The following HAAO variants were observed in gnomAD, a reference collection of about 807,000 sequenced individuals.
The protein encoded by HAAO is 3-hydroxyanthranilate oxygenase.
A neutral mutation model predicts 46.2 loss-of-function variants in HAAO; 49 were observed. The ratio of observed to expected loss-of-function variants is 1.06; its 90% CI spans 0.84 to 1.34. The LOEUF (loss-of-function observed/expected upper bound fraction) is 1.34, where lower values mean the gene tolerates loss of function less well. HAAO is among the 40% of genes most tolerant of loss of function. The pLI is 0.00. For synonymous variants in HAAO, 157 were observed against 145.2 expected (o/e 1.08, Z -0.58); for missense variants, 408 against 364.5 (o/e 1.12, Z -0.97).
chr2:42,788,871 G>C (rs1250529075), intron 1 of HAAO: 1 of 441,356 alleles, frequency 2.3e-6, no homozygotes, highest in Non-Finnish European at 4.1e-6. Context: ...CAAGGGAAAT[G>C]ATGTGGTGGT....
chr2:42,781,650 G>A (rs1396373582), intron 4 of HAAO, among the ~76,000 whole-genome samples: 1 of 152,088 alleles, frequency 6.6e-6, no homozygotes, highest in African/African-American at 2.4e-5. Flanking sequence ...AGGCAGATGG[G>A]TCACCTGAGG....
chr2:42,784,334 G>T (rs1289550639), intron 2 of HAAO, among the ~76,000 whole-genome samples: 1 of 152,140 alleles, frequency 6.6e-6, no homozygotes, highest in Non-Finnish European at 1.5e-5. Flanking sequence ...GCTGGCCTAA[G>T]GTCACATAGC....
rs1429134910 is a variant in HAAO, at chr2:42,770,585, G to T, written c.351-3C>A. On this transcript the variant is annotated splice_region_variant and splice_polypyrimidine_tract_variant and intron_variant, in intron 4 of 9. Coordinates refer to ENST00000294973, the MANE Select transcript of HAAO (RefSeq NM_012205.3). ...CCATGGTGTCGCCCACATAGTACCT[G>T]CCAGAGCAGAGGACAGGCAACCCTG... 3 of 1,546,502 alleles carry T rather than the reference G, an allele frequency of 1.9e-6. No individual in the cohort carries two copies. The African/African-American group carries it at 4.1e-5, about 21-fold the overall frequency.
intron 4 of HAAO, among the ~76,000 whole-genome samples, chr2:42,773,811 C>T (rs1422069046): frequency 6.6e-6 from 1 of 152,160 alleles, no homozygotes; most frequent in Non-Finnish European, 1.5e-5. Context: ...TGGTCTCTCT[C>T]GATCTCCTGA....
chr2:42,772,974 G>T (rs187814891), intron 4 of HAAO, among the ~76,000 whole-genome samples: 33 of 149,856 alleles, frequency 2.2e-4, no homozygotes, highest in African/African-American at 7.9e-4. Flanking sequence ...ACACTGTTGA[G>T]CTTTTGGAAA....
At chr2:42,777,863 G>C (rs1573925563) in intron 4 of HAAO, among the ~76,000 whole-genome samples, 1 of 151,896 alleles carries the variant, frequency 6.6e-6, no homozygotes, top group South Asian at 2.1e-4. Context: ...TCTAATTTAA[G>C]GCTTATTTAA....
chr2:42,768,406 G>A (rs1670833300), intron 7 of HAAO, among the ~76,000 whole-genome samples: 1 of 152,286 alleles, frequency 6.6e-6, no homozygotes, highest in South Asian at 2.1e-4. Flanking sequence ...GCCCTGGAGA[G>A]GGTGCATATT....
intron 4 of HAAO, among the ~76,000 whole-genome samples, chr2:42,776,991 A>G (rs746357574): frequency 7.2e-5 from 11 of 151,768 alleles, no homozygotes; most frequent in Admixed American, 1.3e-4. Flanking sequence ...CTGTGGTTGT[A>G]AAACAGGTTA....
chr2:42,785,342 AACT>A (rs921446888), intron 2 of HAAO, among the ~76,000 whole-genome samples: 1 of 152,226 alleles, frequency 6.6e-6, no homozygotes, highest in African/African-American at 2.4e-5. Context: ...AGCCATTAAA[AACT>A]ACGTTTTTGA....
intron 4 of HAAO, among the ~76,000 whole-genome samples, chr2:42,781,088 C>G (rs971384225): frequency 1.3e-5 from 2 of 151,870 alleles, no homozygotes; most frequent in African/African-American, 4.8e-5. Context: ...AAAAAAAACA[C>G]AACAATTTAG....
rs1558671411 is a variant in HAAO at position 42,783,380 on chromosome 2, C to T, written c.284G>A (p.Arg95Lys). 6.2e-7 allele frequency: 1 copy of T among 1,613,526 alleles called. No homozygotes were observed. Among genetic ancestry groups the T allele is most frequent in the Non-Finnish European group, 8.5e-7 (1 of 1,179,686 alleles). ...CACCAGCCCCACGGTGTTGGCAAACCTCTGTGGTGAGTGGGGCACCCTGGC... is the reference window on the plus strand; with the variant it reads ...CACCAGCCCCACGGTGTTGGCAAACTTCTGTGGTGAGTGGGGCACCCTGGC... The part of the protein sequence containing the change: ...LPARVPHSPQ[R>K]FANTVGLVVE... The change falls in exon 4 of 10, where the codon AGG (arginine) becomes AAG (lysine). Residue 95 changes from arginine (R) to lysine (K), a missense_variant. Transcript: ENST00000294973.
intron 4 of HAAO, among the ~76,000 whole-genome samples, chr2:42,775,282 G>T (rs1360283600): frequency 6.6e-6 from 1 of 151,440 alleles, no homozygotes; most frequent in Admixed American, 6.6e-5. Flanking sequence ...TTGTCTGGTG[G>T]GGGGAGAAAA....
In HAAO at chr2:42,792,522, C is replaced by T. The variant is rs374236537; in HGVS notation, c.15G>A (p.Leu5=). The change falls in exon 1 of 10, where the codon CTG becomes CTA. Residue 5 remains leucine (L), a synonymous_variant. Coordinates refer to ENST00000294973, the MANE Select transcript of HAAO (RefSeq NM_012205.3). ...TCTCCTTCACCCAGGCCCTCACTCC[C>T]AGGCGGCGCTCCATGACTGTCCCGG... MERR[L]GVRAWVKENR... 5.4e-5 allele frequency: 86 copies of T among 1,591,288 alleles called. No homozygotes were observed. The highest frequency in any genetic ancestry group is 6.9e-5 in the Non-Finnish European group (81 of 1,169,664).
rs1573908906 is a variant in HAAO, at chr2:42,772,742, G to GTA, written c.351-2162_351-2161dup. Among the ~76,000 whole-genome samples the GTA allele has an allele frequency of 1.3e-5, 2 of 151,938 alleles. 1 individual carries two copies. Among genetic ancestry groups the GTA allele is most frequent in the East Asian group, 3.9e-4 (2 of 5,194 alleles). On this transcript the variant is annotated intron_variant, in intron 4 of 9. Coordinates refer to ENST00000294973, the MANE Select transcript of HAAO (RefSeq NM_012205.3). ...TTTTCCAGATTTTGAGAATGAATGT[G>GTA]TATGACTTTGATAATCAGAAAAACA... is the stretch of plus-strand genomic sequence containing the variant.
intron 4 of HAAO, among the ~76,000 whole-genome samples, chr2:42,781,017 C>T (rs1000630439): frequency 6.6e-6 from 1 of 151,902 alleles, no homozygotes; most frequent in Non-Finnish European, 1.5e-5. Context: ...GCGGAGCTTG[C>T]AGTGAGCCGA....
In HAAO at chr2:42,783,513, C is replaced by G. The variant is rs575839313; in HGVS notation, c.244-93G>C. 4.2e-5 allele frequency: 35 copies of G among 833,044 alleles called. 1 individual carries two copies. In the Admixed American group the frequency reaches 5.0e-4, roughly 12 times the overall value. 51.6% of individuals were successfully genotyped at this position (833,044 alleles called of 1,614,324 possible). A position where few individuals can be genotyped will look rare whatever the true frequency, so the allele number is the denominator to read the frequency against. On this transcript the variant is annotated intron_variant, in intron 3 of 9. Transcript: ENST00000294973. ...ATCCTGGGCATCCCCAGCTGACCCC[C>G]GGGCAGCAAAGGGGTACTGCTTGTC...
intron 1 of HAAO, among the ~76,000 whole-genome samples, chr2:42,791,270 C>G (rs1276928857): frequency 6.6e-6 from 1 of 152,080 alleles, no homozygotes; most frequent in Non-Finnish European, 1.5e-5. Flanking sequence ...ACAGCAGAAG[C>G]AAGAATACCA....
At position 42,783,364 on chromosome 2, in the gene HAAO, C is replaced by A; in HGVS notation, c.300G>T (p.Val100=). The change falls in exon 4 of 10, where the codon GTG becomes GTT. Residue 100 remains valine, a synonymous_variant. Coordinates refer to ENST00000294973, the MANE Select transcript of HAAO (RefSeq NM_012205.3). ...GCCGCCTTCGCTCAACCACCAGCCCCACGGTGTTGGCAAACCTCTGTGGTG... is the reference window on the plus strand; with the variant it reads ...GCCGCCTTCGCTCAACCACCAGCCCAACGGTGTTGGCAAACCTCTGTGGTG... ...PHSPQRFANT[V]GLVVERRRLE... is the part of the protein sequence containing the mutation. 6.2e-7 allele frequency: 1 copy of A among 1,613,626 alleles called. No individual in the cohort carries two copies. The highest frequency in any genetic ancestry group is 8.5e-7 in the Non-Finnish European group (1 of 1,179,786).
chr2:42,788,612 A>G lies in HAAO; in HGVS notation c.81-5T>C. On this transcript the variant is annotated splice_region_variant and splice_polypyrimidine_tract_variant and intron_variant, in intron 1 of 9. Transcript: ENST00000294973. The stretch of plus-strand genomic sequence containing the variant: ...ACTTTGAGCTGCTCCTGGTGCCTGC[A>G]ATGCGCAAAGTGGGGGAGACGTTCT... The G allele has an allele frequency of 6.6e-7, 1 of 1,507,876 alleles. No individual in the cohort carries two copies. Among genetic ancestry groups the G allele is most frequent in the South Asian group, 1.1e-5 (1 of 88,008 alleles). 93.4% of individuals were successfully genotyped at this position (1,507,876 alleles called of 1,614,324 possible).
Sources: allele counts gnomAD v4.1 joint callset (sites outside exome capture counted in the v4.1 genomes callset), GRCh38; gene constraint gnomAD v4.1.1; transcripts MANE v1.5; gene names NCBI Gene and HGNC (gene_info 2026-07-23, HGNC 2026-07-21).